GPR78: variants seen among roughly 807,000 people sequenced by gnomAD.
GPR78 encodes the protein G protein-coupled receptor 78.
Under a neutral mutation model 17.9 loss-of-function variants are expected in GPR78, and 29 were observed. That is an observed-to-expected ratio of 1.62 (90% CI 1.20 to 2.21). The LOEUF (loss-of-function observed/expected upper bound fraction) is 2.21, where lower values mean the gene tolerates loss of function less well. Among genes scored for constraint, GPR78 ranks in the 30% most tolerant of loss-of-function variants. The probability of loss-of-function intolerance (pLI) is 0.00; values close to 1 mark genes in which losing one functional copy is unlikely to be tolerated. For missense variants in GPR78, 649 were observed against 530.5 expected, an observed-to-expected ratio of 1.22 and a Z score of -2.19; for synonymous variants, 349 against 256.9, an observed-to-expected ratio of 1.36 and a Z score of -3.43.
At position 8,581,160 on chromosome 4, in the gene GPR78, A is replaced by G. The variant is rs1349644664; in HGVS notation, c.178A>G (p.Met60Val). 4 of 1,603,834 alleles carry G rather than the reference A, an allele frequency of 2.5e-6. No individual in the cohort carries two copies. The highest frequency in any genetic ancestry group is 2.7e-5 in the African/African-American group (2 of 74,826). ...LGHLLLAALD[M>V]PFTLLGVMRG... The stretch of plus-strand genomic sequence containing the variant: ...CCACCTGCTGCTGGCGGCGCTGGAC[A>G]TGCCCTTCACGCTGCTCGGTGTGAT... The change falls in exon 1 of 3, where the codon ATG (methionine) becomes GTG (valine). Residue 60 changes from methionine to valine, a missense_variant. Coordinates refer to ENST00000382487, the MANE Select transcript of GPR78 (RefSeq NM_080819.5).
rs376099357 is a variant in GPR78, at chr4:8,581,516, C to T, written c.534C>T (p.Ala178=). The part of the protein sequence containing the change: ...RFAAFTATLH[A]VGFVLPLAVL... The stretch of plus-strand genomic sequence containing the variant: ...CAGCCTTCACCGCCACGCTCCATGC[C>T]GTGGGCTTCGTGCTGCCGCTGGCGG... The change falls in exon 1 of 3, where the codon GCC becomes GCT. Residue 178 remains alanine, a synonymous_variant. Coordinates refer to ENST00000382487, the MANE Select transcript of GPR78 (RefSeq NM_080819.5). The T allele has an allele frequency of 4.4e-6, 7 of 1,590,462 alleles. No homozygotes were observed. Among genetic ancestry groups the T allele is most frequent in the South Asian group, 3.4e-5 (3 of 89,044 alleles).
At chr4:8,587,004 T>C (rs1713534843) in intron 2 of GPR78, 50 bp from the exon 3 acceptor site, 1 of 1,508,608 alleles carries the variant, frequency 6.6e-7, no homozygotes, top group Admixed American at 1.7e-5. Context: ...CGTGAGTGCG[T>C]GGCAGGTGCT....
At chr4:8,582,493 C>T (rs578141698) in intron 1 of GPR78, 38 bp from the exon 2 acceptor site, 49 of 1,416,610 alleles carry the variant, frequency 3.5e-5, no homozygotes, top group Non-Finnish European at 4.7e-5. Context: ...CTGTCCCCAC[C>T]CTGCCATCAT....
chr4:8,587,178 C>T lies in GPR78; in HGVS notation c.907C>T (p.Gln303Ter), dbSNP rs768056124. The change falls in exon 3 of 3, where the codon CAA (glutamine) becomes TAA (stop). Residue 303 changes from glutamine to a stop codon, truncating the protein, a stop_gained. Transcript: ENST00000382487. LOFTEE classifies it low-confidence loss of function (END_TRUNC). ...TYSLLRRPFR[Q>*]VLAGMVHRLL... ...CTCTCTGCTCCGCCGGCCGTTCCGC[C>T]AAGTCCTGGCCGGCATGGTGCACCG... is the stretch of plus-strand genomic sequence containing the variant. 6.2e-7 allele frequency: 1 copy of T among 1,613,476 alleles called. No individual in the cohort carries two copies. Among genetic ancestry groups the T allele is most frequent in the Non-Finnish European group, 8.5e-7 (1 of 1,180,032 alleles).
At chr4:8,584,296 T>G (rs540099707) in intron 2 of GPR78, among the ~76,000 whole-genome samples, 1 of 152,224 alleles carries the variant, frequency 6.6e-6, no homozygotes, top group Non-Finnish European at 1.5e-5. Context: ...TATGTGAGCA[T>G]GCATAGCTAT....
In GPR78 at chr4:8,580,934, C is replaced by G. The variant is rs754417310; in HGVS notation, c.-49C>G. The stretch of plus-strand genomic sequence containing the variant: ...CGCCTCACTTTCCCAGGCTCGCGCC[C>G]GAAGCAGAGCCATGAGAACCCCAGG... On this transcript the variant is annotated 5_prime_UTR_variant, in exon 1 of 3. Coordinates refer to ENST00000382487, the MANE Select transcript of GPR78 (RefSeq NM_080819.5). 2.8e-6 allele frequency: 4 copies of G among 1,449,094 alleles called. No homozygotes were observed. The highest frequency in any genetic ancestry group is 3.6e-6 in the Non-Finnish European group (4 of 1,100,494). The allele number at this position is 1,449,094 out of a possible 1,614,324, so 89.8% of individuals were successfully genotyped here. A position where few individuals can be genotyped will look rare whatever the true frequency, so the allele number is the denominator to read the frequency against.
Position 8,584,572 on chromosome 4 carries a change from G to C in GPR78, c.782+1928G>C, listed in dbSNP as rs28454492. Among the ~76,000 whole-genome samples, 41 of 152,268 alleles carry C rather than the reference G, an allele frequency of 2.7e-4. No individual in the cohort carries two copies. In the East Asian group the frequency reaches 5.6e-3, roughly 21 times the overall value. On this transcript the variant is annotated intron_variant, in intron 2 of 2. Transcript: ENST00000382487. The stretch of plus-strand genomic sequence containing the variant: ...AGCAAATGGAACACAGGCTCCTCTC[G>C]GTTCTGATGGTGGGAGATGCAGGTC...
chr4:8,584,817 C>T (rs954848053), intron 2 of GPR78, among the ~76,000 whole-genome samples: 1 of 152,230 alleles, frequency 6.6e-6, no homozygotes, highest in Non-Finnish European at 1.5e-5. Context: ...GTGTGTTGTC[C>T]CTGCTGCCCC....
rs757772144 is a variant in GPR78 at position 8,581,436 on chromosome 4, G to A, written c.454G>A (p.Ala152Thr). 9 of 1,589,088 alleles carry A rather than the reference G, an allele frequency of 5.7e-6. No individual in the cohort carries two copies. In the Admixed American group the frequency reaches 6.7e-5, roughly 12 times the overall value. The change falls in exon 1 of 3, where the codon GCC (alanine) becomes ACC (threonine). Residue 152 changes from alanine to threonine, a missense_variant. Transcript: ENST00000382487. ...CTGCTCGTGGCTTGGCTACAGCAGC[G>A]CCTTCGCGTCCTGTTCGCTGCGCCT... ...LGCSWLGYSS[A>T]FASCSLRLPP...
At position 8,580,845 on chromosome 4, in the gene GPR78, C is replaced by G. The variant is rs1025979014; in HGVS notation, c.-138C>G. 4 of 848,670 alleles carry G rather than the reference C, an allele frequency of 4.7e-6. No homozygotes were observed. Among genetic ancestry groups the G allele is most frequent in the Non-Finnish European group, 3.5e-6 (2 of 566,332 alleles). 52.6% of individuals were successfully genotyped at this position (848,670 alleles called of 1,614,324 possible). ...TTGCCGCCGCTTTCCTCGCGCTGCT[C>G]TGGACCTTGCTAGCCGGCTCTGCAC... is the stretch of plus-strand genomic sequence containing the variant. On this transcript the variant is annotated 5_prime_UTR_variant, in exon 1 of 3. Transcript: ENST00000382487.
rs776487497 is a variant in GPR78, at chr4:8,587,139, G to A, written c.868G>A (p.Asp290Asn). The change falls in exon 3 of 3, where the codon GAC becomes AAC. Residue 290 changes from aspartate to asparagine, a missense_variant. Physicochemically the swap from Asp to Asn is conservative, Grantham distance 23. Coordinates refer to ENST00000382487, the MANE Select transcript of GPR78 (RefSeq NM_080819.5). ...CCTGACCTACAGCAAGGCGGTGGCC[G>A]ACCCGTTCACGTACTCTCTGCTCCG... ...KCLTYSKAVA[D>N]PFTYSLLRRP... The A allele has an allele frequency of 3.4e-5, 55 of 1,613,360 alleles. No homozygotes were observed. Among genetic ancestry groups the A allele is most frequent in the Non-Finnish European group, 4.2e-5 (49 of 1,180,004 alleles).
At position 8,582,551 on chromosome 4, in the gene GPR78, T is replaced by G; in HGVS notation, c.689T>G (p.Ile230Ser). 1 of 1,609,744 alleles carries G rather than the reference T, an allele frequency of 6.2e-7. No individual in the cohort carries two copies. Among genetic ancestry groups the G allele is most frequent in the Non-Finnish European group, 8.5e-7 (1 of 1,179,426 alleles). ...LHPSVRQRCL[I>S]QQKRRRHRAT... is the part of the protein sequence containing the mutation. ...CACAGTGTGCGGCAGCGCTGCCTCA[T>G]CCAGCAGAAGCGGCGCCGCCACCGC... is the stretch of plus-strand genomic sequence containing the variant. Residue 230 changes from isoleucine to serine, a missense_variant, in exon 2 of 3, where the codon ATC (isoleucine) becomes AGC (serine). Physicochemically the swap from Ile to Ser is moderately radical, Grantham distance 142. Coordinates refer to ENST00000382487, the MANE Select transcript of GPR78 (RefSeq NM_080819.5).
At position 8,587,428 on chromosome 4, in the gene GPR78, C is replaced by T. The variant is rs9683448; in HGVS notation, c.*65C>T. ...CCTGTGGAAAGGGCACTGGCCCTGC[C>T]ACAGAGATGCCACTGGGGACCCCCA... is the stretch of plus-strand genomic sequence containing the variant. On this transcript the variant is annotated 3_prime_UTR_variant, in exon 3 of 3. Coordinates refer to ENST00000382487, the MANE Select transcript of GPR78 (RefSeq NM_080819.5). 0.15 allele frequency: 217,757 copies of T among 1,500,898 alleles called. 19,271 individuals carry two copies. The highest frequency in any genetic ancestry group is 0.41 in the African/African-American group (29,877 of 72,530). 93.0% of individuals were successfully genotyped at this position (1,500,898 alleles called of 1,614,324 possible).
At chr4:8,584,508 A>C (rs1310830207) in intron 2 of GPR78, among the ~76,000 whole-genome samples, 1 of 12,934 alleles carries the variant, frequency 7.7e-5, no homozygotes, top group Non-Finnish European at 1.4e-4. Flanking sequence ...ATGAGCACCT[A>C]CTCTGAGCTG....
chr4:8,582,653 T>C lies in GPR78; in HGVS notation c.782+9T>C, dbSNP rs774393155. On this transcript the variant is annotated intron_variant, in intron 2 of 2. Transcript: ENST00000382487. ...CCGTATGTCATGACCAGGTGGGTCC[T>C]GGCAGTCCGGCTCCTGTTGTGGGAA... 1.9e-6 allele frequency: 3 copies of C among 1,569,922 alleles called. No individual in the cohort carries two copies. The highest frequency in any genetic ancestry group is 2.2e-5 in the South Asian group (2 of 90,258).
Position 8,580,865 on chromosome 4 carries a change from C to T in GPR78, c.-118C>T, listed in dbSNP as rs910735593. On this transcript the variant is annotated 5_prime_UTR_variant, in exon 1 of 3. Coordinates refer to ENST00000382487, the MANE Select transcript of GPR78 (RefSeq NM_080819.5). ...CTGCTCTGGACCTTGCTAGCCGGCT[C>T]TGCACCTCCCAGAAGCCGTGGGCGC... 25 of 1,010,938 alleles carry T rather than the reference C, an allele frequency of 2.5e-5. No homozygotes were observed. In the Middle Eastern group the frequency reaches 1.3e-3, roughly 53 times the overall value. The allele number at this position is 1,010,938 out of a possible 1,614,324, so 62.6% of individuals were successfully genotyped here. A position where few individuals can be genotyped will look rare whatever the true frequency, so the allele number is the denominator to read the frequency against.
At chr4:8,586,832 C>A (rs905306972) in intron 2 of GPR78, among the ~76,000 whole-genome samples, 2 of 152,150 alleles carry the variant, frequency 1.3e-5, no homozygotes, top group Non-Finnish European at 2.9e-5. Context: ...GTGTGGTATG[C>A]GGGCTGATGT....
chr4:8,583,590 G>A (rs888541352), intron 2 of GPR78, among the ~76,000 whole-genome samples: 1 of 151,726 alleles, frequency 6.6e-6, no homozygotes, highest in South Asian at 2.1e-4. Flanking sequence ...CTCTGTTTGT[G>A]TAGGGTCCTC....
rs1303364723 is a variant in GPR78, at chr4:8,581,442, G to T, written c.460G>T (p.Ala154Ser). The stretch of plus-strand genomic sequence containing the variant: ...GTGGCTTGGCTACAGCAGCGCCTTC[G>T]CGTCCTGTTCGCTGCGCCTGCCGCC... The part of the protein sequence containing the change: ...CSWLGYSSAF[A>S]SCSLRLPPEP... The change falls in exon 1 of 3, where the codon GCG (alanine) becomes TCG (serine). Residue 154 changes from alanine (A) to serine (S), a missense_variant. Coordinates refer to ENST00000382487, the MANE Select transcript of GPR78 (RefSeq NM_080819.5). The T allele has an allele frequency of 7.5e-6, 12 of 1,590,886 alleles. No individual in the cohort carries two copies. The highest frequency in any genetic ancestry group is 1.1e-5 in the South Asian group (1 of 89,736).
Sources: allele counts gnomAD v4.1 joint callset (sites outside exome capture counted in the v4.1 genomes callset), GRCh38; gene constraint gnomAD v4.1.1; transcripts MANE v1.5; gene names NCBI Gene and HGNC (gene_info 2026-07-23, HGNC 2026-07-21).